The following NCF2 variants were observed in gnomAD, a reference collection of about 807,000 sequenced individuals.
The protein encoded by NCF2 is neutrophil cytosolic factor 2.
Under a neutral mutation model 70.9 loss-of-function variants are expected in NCF2, and 45 were observed. The observed-to-expected ratio is 0.63, with a 90% CI of 0.50 to 0.81. NCF2 has a LOEUF of 0.81. NCF2 is among the 40% of genes least tolerant of loss of function. The pLI, the probability that NCF2 is intolerant of heterozygous loss-of-function variation, is 0.00. For missense variants in NCF2, 522 were observed against 631.6 expected, an observed-to-expected ratio of 0.83 and a Z score of 1.86; for synonymous variants, 203 against 233.6, an observed-to-expected ratio of 0.87 and a Z score of 1.19.
At chr1:183,598,676 G>A in the NCF2 span, among the ~76,000 whole-genome samples, 8 of 152,114 alleles carry the variant, frequency 5.3e-5, no homozygotes, top group Admixed American at 2.0e-4. Flanking sequence ...TGGTGGAGAT[G>A]GTGTCATTTT....
chr1:183,596,340 T>A, the NCF2 span, among the ~76,000 whole-genome samples: 3 of 151,534 alleles, frequency 2.0e-5, no homozygotes, highest in South Asian at 4.2e-4. Flanking sequence ...TTTTCATATT[T>A]GTACCCTTTA....
chr1:183,571,561 C>G (rs1672564656), intron 5 of NCF2, among the ~76,000 whole-genome samples: 2 of 152,226 alleles, frequency 1.3e-5, no homozygotes, highest in African/African-American at 4.8e-5. Flanking sequence ...TCCACACTCC[C>G]CTTTCCCCTA....
At chr1:183,558,695 G>T (rs147687207) in intron 14 of NCF2, among the ~76,000 whole-genome samples, 2 of 152,236 alleles carry the variant, frequency 1.3e-5, no homozygotes, top group East Asian at 3.9e-4. Context: ...CTCCCTAGCA[G>T]CTGGGACTAC....
In NCF2 at chr1:183,556,121, G is replaced by A. The variant is rs781431052; in HGVS notation, c.1578C>T (p.Val526=). ...TTDLESTRRE[V] is the part of the protein sequence containing the mutation. ...GCTTTGTAGTTTGTGAAACATCCTA[G>A]ACTTCTCTCCGAGTGCTTTCCAAAT... Residue 526 remains valine (V), a synonymous_variant, in exon 15 of 15, where the codon GTC becomes GTT. Coordinates refer to ENST00000367535, the MANE Select transcript of NCF2 (RefSeq NM_000433.4). 40 of 1,613,390 alleles carry A rather than the reference G, an allele frequency of 2.5e-5. No homozygotes were observed. The highest frequency in any genetic ancestry group is 3.4e-5 in the Non-Finnish European group (40 of 1,179,306).
Position 183,569,217 on chromosome 1 carries a change from A to G in NCF2, c.670-32T>C, listed in dbSNP as rs769832894. On this transcript the variant is annotated intron_variant, in intron 6 of 14. Transcript: ENST00000367535. ...AACATTCAGGAGAAGTGAAAACGGAAAAGGCAATGAGGGAAAGCAGGGGAG... is the reference window on the plus strand; with the variant it reads ...AACATTCAGGAGAAGTGAAAACGGAGAAGGCAATGAGGGAAAGCAGGGGAG... The G allele has an allele frequency of 5.0e-6, 8 of 1,607,974 alleles. No individual in the cohort carries two copies. In the African/African-American group the frequency reaches 5.3e-5, roughly 11 times the overall value.
At chr1:183,573,041 C>T (rs1672636090) in intron 5 of NCF2, 144 bp downstream of exon 5, 3 of 804,436 alleles carry the variant, frequency 3.7e-6, no homozygotes, top group Non-Finnish European at 2.2e-6. Flanking sequence ...TTCAGCCAAA[C>T]CTCTGTCCTA....
At chr1:183,591,797 T>C (rs552582135), upstream of NCF2, among the ~76,000 whole-genome samples, 10 of 152,272 alleles carry the variant, frequency 6.6e-5, no homozygotes, top group African/African-American at 1.4e-4. Flanking sequence ...CCGAAATAAC[T>C]TTTATGAACA....
upstream of NCF2, among the ~76,000 whole-genome samples, chr1:183,594,930 C>G (rs1673741080): frequency 6.6e-6 from 1 of 152,172 alleles, no homozygotes; most frequent in Non-Finnish European, 1.5e-5. Context: ...CATGAGACTT[C>G]TTTCTTAAGC....
chr1:183,598,559 G>A, the NCF2 span, among the ~76,000 whole-genome samples: 1 of 151,828 alleles, frequency 6.6e-6, no homozygotes, highest in Non-Finnish European at 1.5e-5. Flanking sequence ...GAAAGACAAA[G>A]CCCAGAGTGA....
the NCF2 span, among the ~76,000 whole-genome samples, chr1:183,601,396 A>G: frequency 2.0e-5 from 3 of 152,380 alleles, no homozygotes; most frequent in East Asian, 5.8e-4. Flanking sequence ...TCTTGTATAT[A>G]CATCATTTCA....
At chr1:183,560,758 C>A (rs1430512831) in intron 13 of NCF2, among the ~76,000 whole-genome samples, 4 of 152,220 alleles carry the variant, frequency 2.6e-5, no homozygotes, top group Non-Finnish European at 4.4e-5. Flanking sequence ...AGGTTGGGGA[C>A]CCCTGGGATA....
Position 183,560,121 on chromosome 1 carries a change from C to G in NCF2, c.1443G>C (p.Gly481=). The G allele has an allele frequency of 6.2e-7, 1 of 1,614,058 alleles. No homozygotes were observed. The highest frequency in any genetic ancestry group is 8.5e-7 in the Non-Finnish European group (1 of 1,179,986). ...TQPEDLEFQE[G]DIILVLSKVN... ...CCTTTGATAACACCAGGATTATATC[C>G]CCTTCCTGAAACTCCAGGTCCTCTG... Residue 481 remains glycine (G), a synonymous_variant, in exon 14 of 15, where the codon GGG becomes GGC. Transcript: ENST00000367535.
At chr1:183,566,261 TACAGGG>T (rs1340029338) in intron 9 of NCF2, among the ~76,000 whole-genome samples, 1 of 152,194 alleles carries the variant, frequency 6.6e-6, no homozygotes, top group African/African-American at 2.4e-5. Context: ...TTGAGTCACT[TACAGGG>T]ATGCTCAGAT....
chr1:183,563,624 G>A (rs761693407), intron 11 of NCF2, 39 bp from the exon 12 acceptor site: 16 of 1,611,622 alleles, frequency 9.9e-6, no homozygotes, highest in Non-Finnish European at 1.4e-5. Flanking sequence ...CTGAGTGTCT[G>A]AGGCTTTCTC....
chr1:183,555,673 T>G lies in NCF2; in HGVS notation c.*445A>C, dbSNP rs886045647. ...AATGGTTCAGAAACAGGAATATTTG[T>G]ACTTACTCCTTGGGCCTGGACTTGG... On this transcript the variant is annotated 3_prime_UTR_variant, in exon 15 of 15. Coordinates refer to ENST00000367535, the MANE Select transcript of NCF2 (RefSeq NM_000433.4). The G allele has an allele frequency of 5.2e-6, 1 of 192,366 alleles. No individual in the cohort carries two copies. Among genetic ancestry groups the G allele is most frequent in the Non-Finnish European group, 1.1e-5 (1 of 91,232 alleles). 11.9% of individuals were successfully genotyped at this position (192,366 alleles called of 1,614,324 possible).
At chr1:183,576,662 T>G (rs755277258) in intron 3 of NCF2, among the ~76,000 whole-genome samples, 9 of 152,184 alleles carry the variant, frequency 5.9e-5, no homozygotes, top group African/African-American at 1.9e-4. Context: ...CAAAGCCCCA[T>G]CTTCTCAGAC....
intron 2 of NCF2, among the ~76,000 whole-genome samples, chr1:183,581,758 T>C (rs1673105136): frequency 6.6e-6 from 1 of 151,736 alleles, no homozygotes; most frequent in African/African-American, 2.4e-5. Context: ...AAGCTCCGCC[T>C]CCCGGTTCAC....
At chr1:183,564,161 A>T (rs1406119385) in intron 10 of NCF2, 131 bp from the exon 11 acceptor site, 1 of 908,248 alleles carries the variant, frequency 1.1e-6, no homozygotes, top group Non-Finnish European at 1.8e-6. Context: ...TTGTGGGGCA[A>T]TTATTAACCT....
In NCF2 at chr1:183,579,123, C is replaced by T. The variant is rs533957935; in HGVS notation, c.258-1416G>A. Among the ~76,000 whole-genome samples, 156 of 152,284 alleles carry T rather than the reference C, an allele frequency of 1.0e-3. 1 individual carries two copies. The highest frequency in any genetic ancestry group is 3.6e-3 in the African/African-American group (150 of 41,568). ...ATGTGGACACAGGCTGGCAGGAATC[C>T]TCAAGAGGCAGTGTGATGTAGTAAA... On this transcript the variant is annotated intron_variant, in intron 2 of 14. Coordinates refer to ENST00000367535, the MANE Select transcript of NCF2 (RefSeq NM_000433.4).
Sources: allele counts gnomAD v4.1 joint callset (sites outside exome capture counted in the v4.1 genomes callset), GRCh38; gene constraint gnomAD v4.1.1; transcripts MANE v1.5; gene names NCBI Gene and HGNC (gene_info 2026-07-23, HGNC 2026-07-21).